Variants in GAS6 observed in about 807,000 individuals in gnomAD.
The protein encoded by GAS6 is growth arrest specific 6, also known as growth arrest-specific protein 6.
A neutral mutation model predicts 75.8 loss-of-function variants in GAS6; 41 were observed. The ratio of observed to expected loss-of-function variants is 0.54; its 90% CI spans 0.42 to 0.70. The LOEUF (loss-of-function observed/expected upper bound fraction) is 0.70, where lower values mean the gene tolerates loss of function less well. GAS6 is among the 30% of genes least tolerant of loss of function. The probability of loss-of-function intolerance (pLI) is 0.00; values close to 1 mark genes in which losing one functional copy is unlikely to be tolerated. For synonymous variants in GAS6, 432 were observed against 412.6 expected (o/e 1.05, Z -0.57); for missense variants, 854 against 940.2 (o/e 0.91, Z 1.20).
chr13:113,834,359 G>A (rs1216162107), intron 8 of GAS6, among the ~76,000 whole-genome samples, 192 bp downstream of exon 8: 3 of 152,232 alleles, frequency 2.0e-5, no homozygotes, highest in South Asian at 4.1e-4. Context: ...TTGCCATAGA[G>A]ACTCTATAAA....
At chr13:113,855,924 A>C (rs1413829653) in intron 2 of GAS6, among the ~76,000 whole-genome samples, 1 of 152,176 alleles carries the variant, frequency 6.6e-6, no homozygotes, top group Non-Finnish European at 1.5e-5. Context: ...GGTGAGACTT[A>C]AAGGTCACTT....
chr13:113,854,755 G>A (rs975032233), intron 2 of GAS6, among the ~76,000 whole-genome samples: 12 of 152,254 alleles, frequency 7.9e-5, no homozygotes, highest in African/African-American at 2.7e-4. Context: ...TGCGGGCCCT[G>A]AGAGAAGCCA....
At chr13:113,823,107 C>T (rs143125968) in intron 13 of GAS6, 8 of 391,036 alleles carry the variant, frequency 2.0e-5, no homozygotes, top group African/African-American at 4.1e-5. Context: ...TCTGCCCAAC[C>T]GAACAGGGGA....
chr13:113,823,922 G>A (rs1177011501), intron 12 of GAS6, among the ~76,000 whole-genome samples: 2 of 152,246 alleles, frequency 1.3e-5, no homozygotes, highest in African/African-American at 4.8e-5. Context: ...CTTCCTCAGA[G>A]CGTGCGTGGC....
intron 12 of GAS6, among the ~76,000 whole-genome samples, chr13:113,825,930 C>G (rs1250224211): frequency 6.6e-6 from 1 of 152,186 alleles, no homozygotes; most frequent in African/African-American, 2.4e-5. Flanking sequence ...GGGCCGGCAG[C>G]CCTGAGATCT....
intron 4 of GAS6, chr13:113,842,127 A>AG (rs2051791679): frequency 1.7e-4 from 18 of 106,562 alleles, no homozygotes; most frequent in African/African-American, 8.6e-4. Flanking sequence ...ATACGCCTCA[A>AG]TTTCCTCTGT....
In GAS6 at chr13:113,863,317, T is replaced by C. The variant is rs2138671411; in HGVS notation, c.255+258A>G. 6.6e-6 allele frequency among the ~76,000 whole-genome samples: 1 copy of C among 152,194 alleles called. No individual in the cohort carries two copies. The highest frequency in any genetic ancestry group is 6.5e-5 in the Admixed American group (1 of 15,300). Reference sequence around the variant, plus strand: ...TTTCTCTCGCACTTTGGAAACGGACTCCCGGCTTCCCCGCGGGGAGGCGTC... The same window carrying C: ...TTTCTCTCGCACTTTGGAAACGGACCCCCGGCTTCCCCGCGGGGAGGCGTC... On this transcript the variant is annotated intron_variant, in intron 2 of 14. Transcript: ENST00000327773. The surrounding 1 kb of genome is among the most constrained non-coding windows in gnomAD (Gnocchi z 9.4).
chr13:113,832,800 T>C (rs1415726920), intron 8 of GAS6, 48 bp from the exon 9 acceptor site: 3 of 1,610,612 alleles, frequency 1.9e-6, no homozygotes, highest in African/African-American at 2.7e-5. Context: ...CCTTCACTCC[T>C]GCTCCCCTGA....
At chr13:113,834,327 C>A (rs1417384370) in intron 8 of GAS6, among the ~76,000 whole-genome samples, 1 of 152,218 alleles carries the variant, frequency 6.6e-6, no homozygotes, top group East Asian at 1.9e-4. Flanking sequence ...CCACACCAGG[C>A]TGATCCACTG....
At chr13:113,859,140 G>A (rs550102084) in intron 2 of GAS6, among the ~76,000 whole-genome samples, 10 of 151,668 alleles carry the variant, frequency 6.6e-5, no homozygotes, top group African/African-American at 2.4e-4. Context: ...ATATGTCTAT[G>A]TGAATGTGTG....
At chr13:113,846,986 G>C (rs766267740) in intron 3 of GAS6, 5 of 503,104 alleles carry the variant, frequency 9.9e-6, no homozygotes, top group African/African-American at 9.7e-5. Flanking sequence ...CTCTGCTTTG[G>C]AGAAAGCCCC....
Position 113,859,660 on chromosome 13 carries a change from G to A in GAS6, c.255+3915C>T, listed in dbSNP as rs534792899. On this transcript the variant is annotated intron_variant, in intron 2 of 14. Transcript: ENST00000327773. The stretch of plus-strand genomic sequence containing the variant: ...TGTCTATGGGAACATATGTACATGT[G>A]TGCATGTGTCTAGGTAGGGGTGTGT... Among the ~76,000 whole-genome samples the A allele has an allele frequency of 1.1e-4, 16 of 152,268 alleles. No individual in the cohort carries two copies. The East Asian group carries it at 2.7e-3, about 26-fold the overall frequency.
intron 2 of GAS6, among the ~76,000 whole-genome samples, chr13:113,858,620 T>C (rs1487832549): frequency 7.0e-6 from 1 of 142,100 alleles, no homozygotes; most frequent in African/African-American, 2.9e-5. Context: ...TGTGTGTGCC[T>C]ATGTATGCAT....
chr13:113,842,435 T>G, intron 4 of GAS6: 1 of 395,210 alleles, frequency 2.5e-6, no homozygotes, highest in South Asian at 1.4e-4. Flanking sequence ...GGATTCTGCA[T>G]CAGCACAGCC....
chr13:113,838,782 C>T (rs771047471), intron 5 of GAS6, among the ~76,000 whole-genome samples: 10 of 150,074 alleles, frequency 6.7e-5, no homozygotes, highest in African/African-American at 1.7e-4. Flanking sequence ...AGGAAGGGAC[C>T]GCGGGTGTGC....
chr13:113,821,636 C>G, intron 14 of GAS6: 2 of 371,592 alleles, frequency 5.4e-6, no homozygotes, highest in Admixed American at 4.3e-5. Context: ...CAGCCTGGCC[C>G]GAGGTCTGCC....
intron 12 of GAS6, among the ~76,000 whole-genome samples, chr13:113,826,261 G>GGGTCATC (rs2138618133): frequency 6.6e-6 from 1 of 152,318 alleles, no homozygotes; most frequent in East Asian, 1.9e-4. Flanking sequence ...CTGTCTCACC[G>GGGTCATC]GGTCATCGGT....
intron 2 of GAS6, among the ~76,000 whole-genome samples, chr13:113,852,714 C>T (rs1468799406): frequency 2.0e-5 from 3 of 152,220 alleles, no homozygotes; most frequent in African/African-American, 4.8e-5. Context: ...CCGCTCAAAG[C>T]CACCCACAGG....
chr13:113,830,318 G>T (rs530566217), intron 10 of GAS6, among the ~76,000 whole-genome samples: 22 of 152,224 alleles, frequency 1.4e-4, no homozygotes, highest in African/African-American at 5.3e-4. Flanking sequence ...GTGGGGTGCT[G>T]CGGCCGCTGT....
Sources: allele counts gnomAD v4.1 joint callset (sites outside exome capture counted in the v4.1 genomes callset), GRCh38; gene constraint gnomAD v4.1.1; non-coding constraint Gnocchi (gnomAD v3.1); transcripts MANE v1.5; gene names NCBI Gene and HGNC (gene_info 2026-07-23, HGNC 2026-07-21).